The following MACROD2 variants were observed in gnomAD, a reference collection of about 807,000 sequenced individuals.
MACROD2 encodes mono-ADP ribosylhydrolase 2.
A neutral mutation model predicts 70.4 loss-of-function variants in MACROD2; 36 were observed. That is an observed-to-expected ratio of 0.51 (90% CI 0.39 to 0.68). MACROD2 has a LOEUF of 0.68. MACROD2 is among the 30% of genes least tolerant of loss of function. The probability of loss-of-function intolerance (pLI) is 0.00; values close to 1 mark genes in which losing one functional copy is unlikely to be tolerated. For synonymous variants in MACROD2, 172 were observed against 178.8 expected, an observed-to-expected ratio of 0.96 and a Z score of 0.30; for missense variants, 496 against 538.4, an observed-to-expected ratio of 0.92 and a Z score of 0.78.
chr20:15,895,559 C>T (rs116069078), intron 10 of MACROD2, among the ~76,000 whole-genome samples: 15 of 152,290 alleles, frequency 9.8e-5, no homozygotes, highest in Admixed American at 5.2e-4. Flanking sequence ...ACACCAGGTT[C>T]GAGAGGCTGA....
At chr20:14,877,956 A>T (rs1253906154) in intron 5 of MACROD2, among the ~76,000 whole-genome samples, 1 of 152,058 alleles carries the variant, frequency 6.6e-6, no homozygotes, top group African/African-American at 2.4e-5. Context: ...TGTCTTTGCC[A>T]GAATTTGGTA....
intron 4 of MACROD2, among the ~76,000 whole-genome samples, chr20:14,564,695 T>C (rs1233131889): frequency 3.3e-5 from 5 of 151,720 alleles, no homozygotes; most frequent in Non-Finnish European, 7.4e-5. Context: ...GCAATACATG[T>C]TGGCAAGGAT....
chr20:16,032,773 GAGA>G (rs200836625), intron 15 of MACROD2, among the ~76,000 whole-genome samples: 1 of 124,116 alleles, frequency 8.1e-6, no homozygotes, highest in Non-Finnish European at 1.7e-5. Context: ...GAGGAAGGAA[GAGA>G]GGAAGGAAGG....
intron 6 of MACROD2, among the ~76,000 whole-genome samples, chr20:15,389,380 G>A (rs139561865): frequency 1.3e-5 from 2 of 152,094 alleles, no homozygotes; most frequent in African/African-American, 4.8e-5. Flanking sequence ...GAGGAAGAAA[G>A]GAAGCAGAAG....
At chr20:15,529,703 C>T (rs2047770936) in intron 8 of MACROD2, among the ~76,000 whole-genome samples, 1 of 152,086 alleles carries the variant, frequency 6.6e-6, no homozygotes, top group Non-Finnish European at 1.5e-5. Flanking sequence ...AAAAACAAAT[C>T]AAATGAATCA....
intron 5 of MACROD2, among the ~76,000 whole-genome samples, chr20:14,944,575 C>A (rs964480383): frequency 1.3e-5 from 2 of 152,170 alleles, no homozygotes; most frequent in Admixed American, 6.5e-5. Context: ...GAAGCACATA[C>A]CCCAGAGTCC....
rs748176801 is a variant in MACROD2 at position 15,987,054 on chromosome 20, C to T, written c.1061-12C>T. 132 of 1,601,368 alleles carry T rather than the reference C, an allele frequency of 8.2e-5. No homozygotes were observed. Among genetic ancestry groups the T allele is most frequent in the Non-Finnish European group, 1.1e-4 (130 of 1,173,850 alleles). ...AACAACCCTGAGTGTCCATCTGTCT[C>T]ATTCTATTTAGAACTTTCATCAAAC... On this transcript the variant is annotated splice_polypyrimidine_tract_variant and intron_variant, in intron 14 of 17. Coordinates refer to ENST00000684519, the MANE Select transcript of MACROD2 (RefSeq NM_001351661.2).
chr20:14,578,264 G>A (rs1213973970), intron 4 of MACROD2, among the ~76,000 whole-genome samples: 1 of 151,504 alleles, frequency 6.6e-6, no homozygotes, highest in Admixed American at 6.6e-5. Context: ...ATAAATATAA[G>A]CTATTTTAAA....
intron 3 of MACROD2, among the ~76,000 whole-genome samples, chr20:14,392,578 A>G (rs925861683): frequency 2.0e-5 from 3 of 152,210 alleles, no homozygotes; most frequent in Non-Finnish European, 4.4e-5. Context: ...GATTGTGTGA[A>G]CCTATTATTT....
intron 8 of MACROD2, among the ~76,000 whole-genome samples, chr20:15,735,871 C>T (rs557689781): frequency 2.6e-5 from 4 of 152,250 alleles, no homozygotes; most frequent in Non-Finnish European, 4.4e-5. Flanking sequence ...TAGATCTTCT[C>T]TTGATCCCCA....
intron 5 of MACROD2, among the ~76,000 whole-genome samples, chr20:14,793,690 G>T (rs1164444270): frequency 1.3e-5 from 2 of 151,992 alleles, no homozygotes; most frequent in African/African-American, 4.8e-5. Flanking sequence ...AAAGCTCGAA[G>T]AAAAGACCCC....
At chr20:15,987,267 G>A in intron 15 of MACROD2, 109 bp downstream of exon 15, 1 of 860,474 alleles carries the variant, frequency 1.2e-6, no homozygotes, top group South Asian at 1.7e-5. Context: ...TGTAAAGGGG[G>A]AAAACGAACA....
intron 5 of MACROD2, among the ~76,000 whole-genome samples, chr20:15,219,880 G>C (rs1853064469): frequency 6.9e-6 from 1 of 144,550 alleles, no homozygotes; most frequent in East Asian, 2.1e-4. Context: ...AAACAAAGCA[G>C]ATTTATTCTA....
chr20:14,969,109 T>A (rs1600888678), intron 5 of MACROD2, among the ~76,000 whole-genome samples: 1 of 151,950 alleles, frequency 6.6e-6, no homozygotes, highest in Middle Eastern at 3.4e-3. Context: ...ACCTTAGAAC[T>A]ACTCATTCAG....
chr20:14,476,285 A>G (rs1291189251), intron 3 of MACROD2, among the ~76,000 whole-genome samples: 1 of 152,190 alleles, frequency 6.6e-6, no homozygotes, highest in African/African-American at 2.4e-5. Context: ...ACTGCATGCT[A>G]TCTAGTCTTG....
At chr20:15,639,985 G>C (rs1029357236) in intron 8 of MACROD2, among the ~76,000 whole-genome samples, 31 of 150,000 alleles carry the variant, frequency 2.1e-4, no homozygotes, top group Admixed American at 8.6e-4. Flanking sequence ...GAAAGAGGGG[G>C]TGAGAGAGAA....
chr20:14,478,773 G>A (rs973515993), intron 3 of MACROD2, among the ~76,000 whole-genome samples: 4 of 152,188 alleles, frequency 2.6e-5, no homozygotes, highest in Non-Finnish European at 2.9e-5. Context: ...GGTTTACATC[G>A]TAGGTCCTAG....
At chr20:14,041,571 A>G (rs989149329) in intron 2 of MACROD2, among the ~76,000 whole-genome samples, 1 of 152,214 alleles carries the variant, frequency 6.6e-6, no homozygotes, top group African/African-American at 2.4e-5. Flanking sequence ...GAAATCATAA[A>G]CCAGAAAATT....
At chr20:15,532,467 A>G (rs1327565033) in intron 8 of MACROD2, among the ~76,000 whole-genome samples, 1 of 152,052 alleles carries the variant, frequency 6.6e-6, no homozygotes, top group Non-Finnish European at 1.5e-5. Context: ...CCTATCTGAA[A>G]TGTTGGAAGC....
Sources: allele counts gnomAD v4.1 joint callset (sites outside exome capture counted in the v4.1 genomes callset), GRCh38; gene constraint gnomAD v4.1.1; transcripts MANE v1.5; gene names NCBI Gene and HGNC (gene_info 2026-07-23, HGNC 2026-07-21).